DENND1A: variants seen among roughly 807,000 people sequenced by gnomAD.
The protein encoded by DENND1A is DENN domain containing 1A, also known as DENN domain-containing protein 1A.
DENND1A carries 51 observed loss-of-function variants against 113.7 expected under a neutral mutation model. The ratio of observed to expected loss-of-function variants is 0.45; its 90% confidence interval spans 0.36 to 0.57. The LOEUF (loss-of-function observed/expected upper bound fraction) is 0.57. Ranked by LOEUF, DENND1A falls within the 20% of genes least tolerant of loss-of-function variation. The pLI, the probability that DENND1A is intolerant of heterozygous loss-of-function variation, is 0.00. For missense variants in DENND1A, 1,258 were observed against 1,395.9 expected, an observed-to-expected ratio of 0.90 and a Z score of 1.57; for synonymous variants, 565 against 570.8, an observed-to-expected ratio of 0.99 and a Z score of 0.14.
chr9:123,789,871 T>C (rs1208571088), intron 3 of DENND1A, among the ~76,000 whole-genome samples: 2 of 152,082 alleles, frequency 1.3e-5, no homozygotes, highest in Non-Finnish European at 1.5e-5. Flanking sequence ...GAATAAAACA[T>C]CTAGCAGCAG....
intron 4 of DENND1A, among the ~76,000 whole-genome samples, chr9:123,761,576 A>AG (rs1208088238): frequency 6.6e-6 from 1 of 152,184 alleles, no homozygotes; most frequent in Non-Finnish European, 1.5e-5. Flanking sequence ...CTTGCCTTAC[A>AG]GTGAAAAAGA....
intron 16 of DENND1A, among the ~76,000 whole-genome samples, chr9:123,453,779 G>C (rs2047908928): frequency 1.3e-5 from 2 of 152,134 alleles, no homozygotes; most frequent in South Asian, 4.2e-4. Context: ...ATTTGACCTA[G>C]AAAGCATTCT....
At chr9:123,470,951 C>T (rs918825856) in intron 13 of DENND1A, among the ~76,000 whole-genome samples, 5 of 152,148 alleles carry the variant, frequency 3.3e-5, no homozygotes, top group African/African-American at 7.2e-5. Context: ...GTCGTGAGCA[C>T]GTGGCAGCAT....
chr9:123,643,898 C>T (rs1177599488), intron 9 of DENND1A, among the ~76,000 whole-genome samples: 2 of 152,180 alleles, frequency 1.3e-5, no homozygotes, highest in South Asian at 2.1e-4. Context: ...TCAAAGGTGA[C>T]GACGACCAGG....
chr9:123,798,725 C>CAAA (rs59256751), intron 2 of DENND1A, among the ~76,000 whole-genome samples: 16 of 70,026 alleles, frequency 2.3e-4, no homozygotes, highest in African/African-American at 5.4e-4. Context: ...GTGCTGGAGG[C>CAAA]AAAAAAAAAA....
intron 2 of DENND1A, among the ~76,000 whole-genome samples, chr9:123,863,921 AT>A (rs11307194): frequency 0.011 from 1,717 of 149,776 alleles, 52 homozygotes; most frequent in East Asian, 0.11. Flanking sequence ...AATATATGAG[AT>A]TTTTTTTTTA....
chr9:123,539,428 A>G (rs1015429252), intron 13 of DENND1A, among the ~76,000 whole-genome samples: 3 of 152,128 alleles, frequency 2.0e-5, no homozygotes, highest in Non-Finnish European at 4.4e-5. Context: ...AAAGTCACCT[A>G]TAGTTTCCAG....
intron 1 of DENND1A, among the ~76,000 whole-genome samples, chr9:123,902,231 A>G (rs1851790587): frequency 6.6e-6 from 1 of 151,962 alleles, no homozygotes; most frequent in Non-Finnish European, 1.5e-5. Context: ...AGAGACAGAG[A>G]GAGACTAATA....
At chr9:123,445,642 G>A (rs1252914657) in intron 18 of DENND1A, among the ~76,000 whole-genome samples, 5 of 152,158 alleles carry the variant, frequency 3.3e-5, no homozygotes, top group South Asian at 2.1e-4. Context: ...AGGCCGAGGC[G>A]GGCAGATCAC....
intron 5 of DENND1A, among the ~76,000 whole-genome samples, chr9:123,701,268 C>A (rs760012447): frequency 6.6e-6 from 1 of 152,060 alleles, no homozygotes; most frequent in Non-Finnish European, 1.5e-5. Flanking sequence ...TTCAAAATAC[C>A]CTCACAAGAG....
intron 10 of DENND1A, among the ~76,000 whole-genome samples, 160 bp downstream of exon 10, chr9:123,630,204 CTTTTTTTTTTTT>C (rs11324537): frequency 2.1e-5 from 2 of 94,068 alleles, no homozygotes; most frequent in Non-Finnish European, 3.8e-5. Context: ...CCATGACTGG[CTTTTTTTTTTTT>C]TTTTTTTTTT....
chr9:123,501,816 C>A (rs1208437548), intron 13 of DENND1A, among the ~76,000 whole-genome samples: 1 of 152,190 alleles, frequency 6.6e-6, no homozygotes, highest in Admixed American at 6.5e-5. Flanking sequence ...GCCTAGCCTC[C>A]CAGCCTACAT....
At chr9:123,785,484 T>C (rs1428253014) in intron 3 of DENND1A, among the ~76,000 whole-genome samples, 6 of 145,374 alleles carry the variant, frequency 4.1e-5, no homozygotes, top group Non-Finnish European at 8.9e-5. Context: ...CAACCTGTGA[T>C]AGACTATTTT....
intron 5 of DENND1A, among the ~76,000 whole-genome samples, chr9:123,746,390 T>TG (rs1260228282): frequency 1.3e-5 from 2 of 152,082 alleles, no homozygotes; most frequent in African/African-American, 4.8e-5. Context: ...TTAAAAAGAT[T>TG]GAAAAAAAAT....
chr9:123,418,081 C>G (rs1384677714), intron 19 of DENND1A, among the ~76,000 whole-genome samples: 1 of 152,178 alleles, frequency 6.6e-6, no homozygotes, highest in Non-Finnish European at 1.5e-5. Flanking sequence ...GGGATATAAT[C>G]AGAGACACAA....
chr9:123,491,187 G>T (rs1391218455), intron 13 of DENND1A, among the ~76,000 whole-genome samples: 2 of 152,200 alleles, frequency 1.3e-5, no homozygotes, highest in African/African-American at 4.8e-5. Context: ...TGGCATTTGG[G>T]CCCTTTTTAG....
intron 11 of DENND1A, among the ~76,000 whole-genome samples, chr9:123,602,508 G>A (rs1191061655): frequency 6.6e-6 from 1 of 152,186 alleles, no homozygotes; most frequent in African/African-American, 2.4e-5. Flanking sequence ...ACTTCGCAGA[G>A]AGTGTCTGAG....
chr9:123,621,513 C>A (rs2060964216), intron 10 of DENND1A, among the ~76,000 whole-genome samples: 1 of 152,080 alleles, frequency 6.6e-6, no homozygotes, highest in African/African-American at 2.4e-5. Flanking sequence ...ACCAGAGATA[C>A]ATTAATATAT....
intron 8 of DENND1A, among the ~76,000 whole-genome samples, chr9:123,663,935 G>C (rs778377246): frequency 6.6e-6 from 1 of 152,000 alleles, no homozygotes; most frequent in African/African-American, 2.4e-5. Context: ...AACCTGCTCT[G>C]AATAAAATAG....
Sources: gnomAD v4.1 joint callset for allele counts (sites outside exome capture counted in the v4.1 genomes callset) on GRCh38, gnomAD v4.1.1 for gene constraint, MANE v1.5 for transcripts, NCBI Gene and HGNC (gene_info 2026-07-23, HGNC 2026-07-21) for gene names.